Variants in NID2 observed in about 807,000 individuals in gnomAD.
NID2 encodes the protein nidogen 2.
A neutral mutation model predicts 145.4 loss-of-function variants in NID2; 83 were observed. The ratio of observed to expected loss-of-function variants is 0.57; its 90% CI spans 0.48 to 0.69. The LOEUF (loss-of-function observed/expected upper bound fraction) is 0.69. Among genes scored for constraint, NID2 ranks in the 30% least tolerant of loss-of-function variants. The pLI is 0.00. For missense variants in NID2, 1,807 were observed against 1,765.7 expected (o/e 1.02, Z -0.42); for synonymous variants, 739 against 701.3 (o/e 1.05, Z -0.85).
rs2273429 is a variant in NID2, at chr14:52,027,354, G to A, written c.2531-10C>T. ...GCAGGTGGGGTGATCACTGAAAAGAGAAGAAGATAAGGGCATCCAGAGTTT... is the reference window on the plus strand; with the variant it reads ...GCAGGTGGGGTGATCACTGAAAAGAAAAGAAGATAAGGGCATCCAGAGTTT... On this transcript the variant is annotated splice_polypyrimidine_tract_variant and intron_variant, in intron 11 of 21. Transcript: ENST00000216286. 0.15 allele frequency: 225,090 copies of A among 1,527,336 alleles called. 22,175 individuals are homozygous for A. Among genetic ancestry groups the A allele is most frequent in the East Asian group, 0.51 (19,898 of 39,052 alleles). 94.6% of individuals were successfully genotyped at this position (1,527,336 alleles called of 1,614,324 possible).
At position 52,038,755 on chromosome 14, in the gene NID2, G is replaced by A. The variant is rs145229633; in HGVS notation, c.2249C>T (p.Pro750Leu). The A allele has an allele frequency of 4.2e-4, 660 of 1,569,658 alleles. 1 individual carries two copies. The highest frequency in any genetic ancestry group is 5.2e-4 in the Non-Finnish European group (607 of 1,159,066). ...LRFAVTNQIG[P>L]VKEDSDPTPG... ...AAAAAAGGAAACCTTACCTTTGACC[G>A]GGCCAATTTGATTGGTCACAGCAAA... The change falls in exon 9 of 22, where the codon CCG becomes CTG. Residue 750 changes from proline to leucine, a missense_variant. Pro to Leu is a moderately conservative substitution (Grantham distance 98). Transcript: ENST00000216286.
intron 12 of NID2, 112 bp downstream of exon 12, chr14:52,027,089 G>A (rs1254810816): frequency 8.8e-7 from 1 of 1,134,368 alleles, no homozygotes; most frequent in Non-Finnish European, 1.2e-6. Context: ...GCAGCCACAA[G>A]GCTGTTAGAG....
chr14:52,024,873 G>T (rs565299840), intron 12 of NID2, among the ~76,000 whole-genome samples: 15 of 152,210 alleles, frequency 9.9e-5, no homozygotes, highest in African/African-American at 3.4e-4. Context: ...TCAAAGTCTT[G>T]CAGGACAAGT....
At chr14:52,036,540 C>T (rs989092260) in intron 9 of NID2, among the ~76,000 whole-genome samples, 2 of 152,154 alleles carry the variant, frequency 1.3e-5, no homozygotes, top group Non-Finnish European at 2.9e-5. Context: ...AGAATTGCTC[C>T]ATTAAATGGT....
Position 52,054,232 on chromosome 14 carries a change from T to C in NID2, c.857A>G (p.Asp286Gly). The change falls in exon 4 of 22, where the codon GAC becomes GGC. Residue 286 changes from aspartate to glycine, a missense_variant. Transcript: ENST00000216286. ...LDNVRPAAVG[D>G]LSAAHSSVPL... ...AACAGAAGAGTGGGCAGCGGAAAGGTCTCCAACTGCAGCTGGCCTGACATT... is the reference window on the plus strand; with the variant it reads ...AACAGAAGAGTGGGCAGCGGAAAGGCCTCCAACTGCAGCTGGCCTGACATT... 1 of 1,614,040 alleles carries C rather than the reference T, an allele frequency of 6.2e-7. No homozygotes were observed. Among genetic ancestry groups the C allele is most frequent in the Non-Finnish European group, 8.5e-7 (1 of 1,179,998 alleles).
chr14:52,032,258 G>C (rs1454892666), intron 9 of NID2, among the ~76,000 whole-genome samples: 1 of 152,184 alleles, frequency 6.6e-6, no homozygotes, highest in Non-Finnish European at 1.5e-5. Context: ...GAGGGCTATG[G>C]GTTTATCCTC....
intron 5 of NID2, among the ~76,000 whole-genome samples, chr14:52,051,116 G>A (rs1595047607): frequency 6.6e-6 from 1 of 152,190 alleles, no homozygotes; most frequent in African/African-American, 2.4e-5. Flanking sequence ...GGACATTCCT[G>A]CCTGGTGTAG....
At chr14:52,061,145 C>T (rs914994161) in intron 2 of NID2, among the ~76,000 whole-genome samples, 2 of 152,158 alleles carry the variant, frequency 1.3e-5, no homozygotes, top group African/African-American at 4.8e-5. Context: ...ATTTAATAGT[C>T]CCCATTTGTA....
At chr14:52,041,149 A>T (rs954447970) in intron 7 of NID2, among the ~76,000 whole-genome samples, 1 of 150,622 alleles carries the variant, frequency 6.6e-6, no homozygotes, top group Non-Finnish European at 1.5e-5. Context: ...TAGACTTAGC[A>T]AAAAACAAAC....
chr14:52,037,137 G>C (rs1190848365), intron 9 of NID2, among the ~76,000 whole-genome samples: 1 of 152,142 alleles, frequency 6.6e-6, no homozygotes, highest in African/African-American at 2.4e-5. Flanking sequence ...ATTTTGAGTT[G>C]GATATGCTGT....
intron 14 of NID2, among the ~76,000 whole-genome samples, chr14:52,017,833 CAAAA>C (rs149646584): frequency 2.1e-4 from 32 of 151,258 alleles, no homozygotes; most frequent in African/African-American, 7.8e-4. Flanking sequence ...TTTAAAAAAA[CAAAA>C]AAAACAGAGT....
chr14:52,041,145 T>C (rs917106687), intron 7 of NID2, among the ~76,000 whole-genome samples: 2 of 151,442 alleles, frequency 1.3e-5, no homozygotes, highest in Non-Finnish European at 2.9e-5. Flanking sequence ...TTGCTAGACT[T>C]AGCAAAAAAC....
rs1431936673 is a variant in NID2, at chr14:52,030,586, GAAAGAAAGAAAGAAAGAAAGAGAAAGAA to G, written c.2258-924_2258-897del. The stretch of plus-strand genomic sequence containing the variant: ...AAAGAAAGGAAGGAAGGGAAAGAAA[GAAAGAAAGAAAGAAAGAAAGAGAAAGAA>G]AAAGAAAGAAAGAGAAAGAAAGAGA... On this transcript the variant is annotated intron_variant, in intron 9 of 21. Coordinates refer to ENST00000216286, the MANE Select transcript of NID2 (RefSeq NM_007361.4). Among the ~76,000 whole-genome samples, 144 of 24,216 alleles carry G rather than the reference GAAAGAAAGAAAGAAAGAAAGAGAAAGAA, an allele frequency of 5.9e-3. 3 individuals are homozygous for G. Among genetic ancestry groups the G allele is most frequent in the Middle Eastern group, 0.022 (1 of 46 alleles). The allele number at this position is 24,216 out of a possible 152,430, so 15.9% of individuals were successfully genotyped here. A position where few individuals can be genotyped will look rare whatever the true frequency, so the allele number is the denominator to read the frequency against.
At chr14:52,007,400 T>C in intron 19 of NID2, 1 of 202,212 alleles carries the variant, frequency 4.9e-6, no homozygotes, top group South Asian at 8.7e-5. Flanking sequence ...ATACCCATGT[T>C]ATTACTGAAG....
At position 52,027,649 on chromosome 14, in the gene NID2, C is replaced by CACACACAA. The variant is rs1724154446; in HGVS notation, c.2531-306_2531-305insTTGTGTGT. ...AGCAATTGCTACACACACACACACA[C>CACACACAA]ACACACACACACACACACGCAGTTT... On this transcript the variant is annotated intron_variant, in intron 11 of 21. Coordinates refer to ENST00000216286, the MANE Select transcript of NID2 (RefSeq NM_007361.4). 3.3e-5 allele frequency among the ~76,000 whole-genome samples: 5 copies of CACACACAA among 151,244 alleles called. No individual in the cohort carries two copies. In the South Asian group the frequency reaches 1.0e-3, roughly 32 times the overall value.
At chr14:52,035,686 T>C (rs1050133311) in intron 9 of NID2, among the ~76,000 whole-genome samples, 2 of 151,732 alleles carry the variant, frequency 1.3e-5, no homozygotes, top group Non-Finnish European at 2.9e-5. Context: ...TTCCATTTAT[T>C]TTTATTTTTT....
In NID2 at chr14:52,042,170, C is replaced by A. The variant is rs1182686764; in HGVS notation, c.1760G>T (p.Gly587Val). 7 of 1,613,724 alleles carry A rather than the reference C, an allele frequency of 4.3e-6. No homozygotes were observed. Among genetic ancestry groups the A allele is most frequent in the Non-Finnish European group, 5.9e-6 (7 of 1,179,696 alleles). ...AQALLPLTPI[G>V]GLFGWLFALE... Reference sequence around the variant, plus strand: ...AGCAAAGAGCCAGCCAAACAGGCCTCCAATTGGTGTGAGGGGGAGGAGGGC... The same window carrying A: ...AGCAAAGAGCCAGCCAAACAGGCCTACAATTGGTGTGAGGGGGAGGAGGGC... Residue 587 changes from glycine (G) to valine (V), a missense_variant, in exon 7 of 22, where the codon GGA becomes GTA. Coordinates refer to ENST00000216286, the MANE Select transcript of NID2 (RefSeq NM_007361.4).
At chr14:52,019,387 C>T (rs1196633544) in intron 13 of NID2, 93 bp from the exon 14 acceptor site, 33 of 1,026,456 alleles carry the variant, frequency 3.2e-5, no homozygotes, top group Non-Finnish European at 3.8e-5. Context: ...CATGGAAAAG[C>T]GCTGGGATTT....
At chr14:52,015,616 C>T (rs1307502705) in intron 14 of NID2, among the ~76,000 whole-genome samples, 1 of 152,186 alleles carries the variant, frequency 6.6e-6, no homozygotes, top group Non-Finnish European at 1.5e-5. Flanking sequence ...AGGAGAGGCC[C>T]ACAAGGCCCA....
Sources: gnomAD v4.1 joint callset for allele counts (sites outside exome capture counted in the v4.1 genomes callset) on GRCh38, gnomAD v4.1.1 for gene constraint, MANE v1.5 for transcripts, NCBI Gene and HGNC (gene_info 2026-07-23, HGNC 2026-07-21) for gene names.